The following EPHA7 variants were observed in gnomAD, a reference collection of about 807,000 sequenced individuals.
The protein encoded by EPHA7 is ephrin type-A receptor 7.
Under a neutral mutation model 112.6 loss-of-function variants are expected in EPHA7, and 25 were observed. That is an observed-to-expected ratio of 0.22 (90% CI 0.16 to 0.31). The LOEUF is 0.31. EPHA7 is among the 10% of genes least tolerant of loss of function. The pLI, the probability that EPHA7 is intolerant of heterozygous loss-of-function variation, is 1.00. For synonymous variants in EPHA7, 437 were observed against 406.5 expected (o/e 1.07, Z -0.90); for missense variants, 962 against 1,212.6 (o/e 0.79, Z 3.07).
chr6:93,249,630 A>T (rs1770117117), intron 14 of EPHA7, among the ~76,000 whole-genome samples: 1 of 152,148 alleles, frequency 6.6e-6, no homozygotes, highest in African/African-American at 2.4e-5. Context: ...TGCTCATAAC[A>T]TTAATTCAGT....
At chr6:93,324,353 C>A (rs570972504) in intron 5 of EPHA7, among the ~76,000 whole-genome samples, 1 of 151,340 alleles carries the variant, frequency 6.6e-6, no homozygotes, top group African/African-American at 2.4e-5. Flanking sequence ...AAGTTTCTAT[C>A]TGAAAATAAA....
intron 1 of EPHA7, among the ~76,000 whole-genome samples, chr6:93,417,232 AC>A (rs1344335737): frequency 1.3e-5 from 2 of 151,880 alleles, no homozygotes; most frequent in African/African-American, 4.8e-5. Flanking sequence ...TCCTCTAGCC[AC>A]CCCCAAATGC....
At position 93,259,384 on chromosome 6, in the gene EPHA7, A is replaced by G; in HGVS notation, c.1894T>C (p.Cys632Arg). The change falls in exon 10 of 17, where the codon TGT (cysteine) becomes CGT (arginine). Residue 632 changes from cysteine (C) to arginine (R), a missense_variant. Transcript: ENST00000369303. ...CCAATCACACGCTCAATTTTAATAC[A>G]GGAGGCATCTAGCTCCTTGGCGAAT... ...HQFAKELDAS[C>R]IKIERVIGAG... is the part of the protein sequence containing the mutation. 1 of 1,612,188 alleles carries G rather than the reference A, an allele frequency of 6.2e-7. No individual in the cohort carries two copies. Among genetic ancestry groups the G allele is most frequent in the African/African-American group, 1.3e-5 (1 of 74,942 alleles).
intron 3 of EPHA7, among the ~76,000 whole-genome samples, chr6:93,402,375 C>G (rs1460644287): frequency 6.6e-6 from 1 of 151,892 alleles, no homozygotes; most frequent in Non-Finnish European, 1.5e-5. Flanking sequence ...TGATATTTCT[C>G]CATGTTTTTA....
intron 2 of EPHA7, among the ~76,000 whole-genome samples, chr6:93,412,170 A>G (rs1027914857): frequency 6.6e-6 from 1 of 152,028 alleles, no homozygotes; most frequent in African/African-American, 2.4e-5. Context: ...TGTATTTATG[A>G]TGTCTTAATA....
chr6:93,268,339 G>T (rs1771047531), intron 7 of EPHA7, among the ~76,000 whole-genome samples: 1 of 151,680 alleles, frequency 6.6e-6, no homozygotes, highest in African/African-American at 2.4e-5. Flanking sequence ...GAATAATACT[G>T]CTAGCAAACT....
rs1481028324 is a variant in EPHA7, at chr6:93,346,123, T to A, written c.1324+10594A>T. ...ATTGACAGTGGCAGTGCATAGGAAT[T>A]GGGATTGGGGGAAAACCTAAATATG... is the stretch of plus-strand genomic sequence containing the variant. On this transcript the variant is annotated intron_variant, in intron 5 of 16. Transcript: ENST00000369303. Among the ~76,000 whole-genome samples the A allele has an allele frequency of 3.3e-5, 5 of 151,676 alleles. No homozygotes were observed. In the East Asian group the frequency reaches 9.7e-4, roughly 29 times the overall value.
At chr6:93,378,782 C>A (rs1487401080) in intron 3 of EPHA7, among the ~76,000 whole-genome samples, 1 of 151,996 alleles carries the variant, frequency 6.6e-6, no homozygotes, top group East Asian at 1.9e-4. Flanking sequence ...AGGCTTAGAA[C>A]CCAGTCATTC....
intron 7 of EPHA7, among the ~76,000 whole-genome samples, chr6:93,268,133 A>C (rs1447502873): frequency 6.6e-6 from 1 of 151,694 alleles, no homozygotes; most frequent in Non-Finnish European, 1.5e-5. Flanking sequence ...TATATAATCT[A>C]TTTAAAAAGA....
chr6:93,305,260 G>T (rs1444604393), intron 5 of EPHA7, among the ~76,000 whole-genome samples: 4 of 151,050 alleles, frequency 2.6e-5, no homozygotes, highest in African/African-American at 9.7e-5. Flanking sequence ...AGGGTGAACA[G>T]TAAAAGACCA....
At chr6:93,255,069 T>C (rs345735) in intron 13 of EPHA7, among the ~76,000 whole-genome samples, 82,379 of 151,850 alleles carry the variant, frequency 0.54, 23,130 homozygotes, top group South Asian at 0.78. Flanking sequence ...ACAGGCTGGG[T>C]GCTGTGGCTC....
At position 93,254,942 on chromosome 6, in the gene EPHA7, G is replaced by A. The variant is rs1279650724; in HGVS notation, c.2383-146C>T. The A allele has an allele frequency of 5.3e-6, 3 of 563,668 alleles. No individual in the cohort carries two copies. In the African/African-American group the frequency reaches 5.7e-5, roughly 11 times the overall value. The allele number at this position is 563,668 out of a possible 1,614,324, so 34.9% of individuals were successfully genotyped here. ...TCTTGAATCTCTATGCGTATTTAAA[G>A]TTATTTATCTGATTTTTAGAATACC... On this transcript the variant is annotated intron_variant, in intron 13 of 16. Coordinates refer to ENST00000369303, the MANE Select transcript of EPHA7 (RefSeq NM_004440.4).
At position 93,272,995 on chromosome 6, in the gene EPHA7, G is replaced by A. The variant is rs1582426326; in HGVS notation, c.1325-573C>T. Among the ~76,000 whole-genome samples, 6 of 151,950 alleles carry A rather than the reference G, an allele frequency of 3.9e-5. 2 individuals are homozygous for A. The South Asian group carries it at 1.2e-3, about 32-fold the overall frequency. The stretch of plus-strand genomic sequence containing the variant: ...AGGTCAAGATGCAAGAAAATGCAAA[G>A]GCTGCCTGCTACTTAAATTATGTGC... On this transcript the variant is annotated intron_variant, in intron 5 of 16. Transcript: ENST00000369303.
intron 7 of EPHA7, among the ~76,000 whole-genome samples, chr6:93,265,570 A>G (rs1246055573): frequency 1.3e-5 from 2 of 151,704 alleles, no homozygotes; most frequent in African/African-American, 4.8e-5. Flanking sequence ...ATGATTCACA[A>G]TTGTCATATT....
At chr6:93,361,271 G>A (rs1351188127) in intron 3 of EPHA7, among the ~76,000 whole-genome samples, 1 of 151,988 alleles carries the variant, frequency 6.6e-6, no homozygotes, top group Non-Finnish European at 1.5e-5. Flanking sequence ...AAGCAAGCCA[G>A]TTTTCATTTG....
intron 4 of EPHA7, 86 bp downstream of exon 4, chr6:93,358,170 A>C (rs1776050991): frequency 3.8e-6 from 4 of 1,057,824 alleles, no homozygotes; most frequent in Non-Finnish European, 5.0e-6. Flanking sequence ...ATGTATCACA[A>C]ATTCAATATC....
chr6:93,388,280 C>A (rs1489065379), intron 3 of EPHA7, among the ~76,000 whole-genome samples: 1 of 151,876 alleles, frequency 6.6e-6, no homozygotes, highest in Non-Finnish European at 1.5e-5. Context: ...AGTCTTAATC[C>A]CCTATTCTTG....
intron 7 of EPHA7, among the ~76,000 whole-genome samples, chr6:93,269,262 G>A (rs941538683): frequency 6.6e-6 from 1 of 151,596 alleles, no homozygotes; most frequent in African/African-American, 2.4e-5. Context: ...ATGCGTTAAA[G>A]AAACTAATTT....
intron 5 of EPHA7, among the ~76,000 whole-genome samples, chr6:93,278,999 A>G (rs1188151146): frequency 6.6e-6 from 1 of 152,122 alleles, no homozygotes; most frequent in Non-Finnish European, 1.5e-5. Context: ...GGATCTGCTC[A>G]GTAGGCAGTA....
Sources: gnomAD v4.1 joint callset for allele counts (sites outside exome capture counted in the v4.1 genomes callset) on GRCh38, gnomAD v4.1.1 for gene constraint, MANE v1.5 for transcripts, NCBI Gene and HGNC (gene_info 2026-07-23, HGNC 2026-07-21) for gene names.